Variants in DROSHA observed in about 807,000 individuals in gnomAD.
The protein encoded by DROSHA is ribonuclease 3.
DROSHA carries 56 observed loss-of-function variants against 181.9 expected under a neutral mutation model. The observed-to-expected ratio is 0.31, with a 90% CI of 0.25 to 0.38. The LOEUF (loss-of-function observed/expected upper bound fraction) is 0.38, where lower values mean the gene tolerates loss of function less well. Ranked by LOEUF, DROSHA falls within the 10% of genes least tolerant of loss-of-function variation. The pLI, the probability that DROSHA is intolerant of heterozygous loss-of-function variation, is 1.00. For synonymous variants in DROSHA, 524 were observed against 591.2 expected, an observed-to-expected ratio of 0.89 and a Z score of 1.65; for missense variants, 1,218 against 1,743.5, an observed-to-expected ratio of 0.70 and a Z score of 5.37.
intron 4 of DROSHA, among the ~76,000 whole-genome samples, chr5:31,527,287 G>A (rs1740706116): frequency 6.6e-6 from 1 of 151,948 alleles, no homozygotes; most frequent in African/African-American, 2.4e-5. Flanking sequence ...TGCCTCCCCA[G>A]CCCCCACTCC....
chr5:31,437,286 A>G lies in DROSHA; in HGVS notation c.2895T>C (p.Asn965=). ...DDPTPSRINH[N]ERLEFLGDAV... ...CATCACCCAGGAATTCCAACCGTTC[A>G]TTGTGGTTAATCCTACAATAGGAAT... The change falls in exon 24 of 36, where the codon AAT becomes AAC. Residue 965 remains asparagine, a synonymous_variant. Coordinates refer to ENST00000344624, the MANE Select transcript of DROSHA (RefSeq NM_001382508.1). 3 of 1,578,232 alleles carry G rather than the reference A, an allele frequency of 1.9e-6. No individual in the cohort carries two copies. Among genetic ancestry groups the G allele is most frequent in the Non-Finnish European group, 2.6e-6 (3 of 1,160,926 alleles).
At chr5:31,446,334 CTACTCG>C (rs1376462173) in intron 23 of DROSHA, among the ~76,000 whole-genome samples, 1 of 151,246 alleles carries the variant, frequency 6.6e-6, no homozygotes, top group African/African-American at 2.4e-5. Context: ...GTAGTCCCAG[CTACTCG>C]GTAGGCTGAG....
In DROSHA at chr5:31,408,296, A is replaced by C. The variant is rs545398418; in HGVS notation, c.3854+760T>G. Among the ~76,000 whole-genome samples the C allele has an allele frequency of 7.2e-5, 11 of 152,338 alleles. No homozygotes were observed. The South Asian group carries it at 1.9e-3, about 26-fold the overall frequency. On this transcript the variant is annotated intron_variant, in intron 33 of 35. Transcript: ENST00000344624. ...ACATGGGGTGAAACAGTTTTGAAAC[A>C]ATCTTTAAACATCCTTAAAATCATG...
At chr5:31,487,955 G>A (rs1454376373) in intron 13 of DROSHA, among the ~76,000 whole-genome samples, 1 of 152,010 alleles carries the variant, frequency 6.6e-6, no homozygotes, top group African/African-American at 2.4e-5. Context: ...AATAAGCTAC[G>A]GGTCCTATCT....
chr5:31,504,518 C>G, intron 11 of DROSHA, 37 bp downstream of exon 11: 1 of 1,607,718 alleles, frequency 6.2e-7, no homozygotes, highest in Non-Finnish European at 8.5e-7. Context: ...CTTCTGGCTT[C>G]TCAGCATTTA....
chr5:31,515,699 G>A, intron 6 of DROSHA, 135 bp from the exon 7 acceptor site: 1 of 1,250,776 alleles, frequency 8.0e-7, no homozygotes, highest in Non-Finnish European at 1.1e-6. Context: ...CACAAAACAG[G>A]GTCTCAATAT....
chr5:31,431,082 G>A (rs768732579), intron 26 of DROSHA, among the ~76,000 whole-genome samples: 1 of 152,138 alleles, frequency 6.6e-6, no homozygotes. Context: ...GTCAACATCA[G>A]TCTTGCTTCA....
intron 12 of DROSHA, among the ~76,000 whole-genome samples, chr5:31,493,936 ATTGT>A (rs1424609224): frequency 3.9e-4 from 50 of 127,708 alleles, no homozygotes; most frequent in East Asian, 1.1e-3. Context: ...ATAACCCACC[ATTGT>A]GTGTGTGTGT....
At chr5:31,420,881 A>G (rs1358103059) in intron 30 of DROSHA, among the ~76,000 whole-genome samples, 1 of 152,252 alleles carries the variant, frequency 6.6e-6, no homozygotes, top group Admixed American at 6.5e-5. Flanking sequence ...TAGTTATAGT[A>G]ACTTAAGCTT....
chr5:31,417,692 G>A (rs911911590), intron 30 of DROSHA, among the ~76,000 whole-genome samples: 1 of 152,158 alleles, frequency 6.6e-6, no homozygotes, highest in Non-Finnish European at 1.5e-5. Context: ...TGACAGAGAG[G>A]AGGTCTGACG....
chr5:31,472,324 A>G (rs1026008165), intron 16 of DROSHA, 92 bp from the exon 17 acceptor site: 3 of 1,384,368 alleles, frequency 2.2e-6, no homozygotes, highest in African/African-American at 2.9e-5. Context: ...AAACAAGACA[A>G]TGGAGGAAAA....
intron 10 of DROSHA, among the ~76,000 whole-genome samples, chr5:31,506,653 C>T (rs535069323): frequency 6.7e-6 from 1 of 150,070 alleles, no homozygotes; most frequent in Admixed American, 6.6e-5. Context: ...ACTCCAACTC[C>T]AGCCTGGGCA....
chr5:31,496,077 G>T (rs1752941645), intron 11 of DROSHA, among the ~76,000 whole-genome samples: 1 of 152,224 alleles, frequency 6.6e-6, no homozygotes, highest in Non-Finnish European at 1.5e-5. Context: ...AGGGCCCACA[G>T]AGCCTGATTA....
At chr5:31,510,734 G>C (rs1738572976) in intron 9 of DROSHA, among the ~76,000 whole-genome samples, 1 of 152,164 alleles carries the variant, frequency 6.6e-6, no homozygotes, top group Non-Finnish European at 1.5e-5. Flanking sequence ...GAGAGGCAGG[G>C]GGCATGGGCT....
intron 11 of DROSHA, among the ~76,000 whole-genome samples, chr5:31,497,267 T>C (rs1488864318): frequency 6.6e-6 from 1 of 151,972 alleles, no homozygotes; most frequent in Non-Finnish European, 1.5e-5. Flanking sequence ...ATCTTCTAAT[T>C]CCCCCACTGG....
intron 16 of DROSHA, among the ~76,000 whole-genome samples, 184 bp from the exon 17 acceptor site, chr5:31,472,416 T>G (rs1749839609): frequency 6.6e-6 from 1 of 152,224 alleles, no homozygotes; most frequent in African/African-American, 2.4e-5. Context: ...GTTTCATTGA[T>G]GAACAGTGCT....
At chr5:31,478,241 A>C (rs976363373) in intron 16 of DROSHA, among the ~76,000 whole-genome samples, 1 of 152,238 alleles carries the variant, frequency 6.6e-6, no homozygotes, top group Admixed American at 6.5e-5. Context: ...CCTGGGCCAC[A>C]GTGGAAGAAT....
At chr5:31,507,755 A>ATTTTGTATAAATTTGTATAAATAT (rs1171656228) in intron 10 of DROSHA, among the ~76,000 whole-genome samples, 4 of 152,256 alleles carry the variant, frequency 2.6e-5, no homozygotes, top group African/African-American at 9.6e-5. Context: ...ATAAATTTGA[A>ATTTTGTATAAATTTGTATAAATAT]GTACAATTGT....
intron 11 of DROSHA, among the ~76,000 whole-genome samples, chr5:31,504,248 A>G (rs2150050032): frequency 6.6e-6 from 1 of 152,246 alleles, no homozygotes; most frequent in South Asian, 2.1e-4. Context: ...ATAGCCACTT[A>G]TGATGAAACA....
Sources: allele counts gnomAD v4.1 joint callset (sites outside exome capture counted in the v4.1 genomes callset), GRCh38; gene constraint gnomAD v4.1.1; transcripts MANE v1.5; gene names NCBI Gene and HGNC (gene_info 2026-07-23, HGNC 2026-07-21).